Variants in TNRC6A observed in about 807,000 individuals in gnomAD.
TNRC6A encodes the protein trinucleotide repeat containing adaptor 6A.
A neutral mutation model predicts 221.2 loss-of-function variants in TNRC6A; 44 were observed. That is an observed-to-expected ratio of 0.20 (90% CI 0.16 to 0.26). The LOEUF is 0.26. TNRC6A is among the 10% of genes least tolerant of loss of function. The pLI, the probability that TNRC6A is intolerant of heterozygous loss-of-function variation, is 1.00. For missense variants in TNRC6A, 2,199 were observed against 2,404.4 expected, an observed-to-expected ratio of 0.91 and a Z score of 1.79; for synonymous variants, 847 against 838.5, an observed-to-expected ratio of 1.01 and a Z score of -0.18.
intron 2 of TNRC6A, chr16:24,663,785 C>A (rs184769861): frequency 1.3e-5 from 5 of 383,500 alleles, no homozygotes; most frequent in Admixed American, 8.9e-5. Flanking sequence ...TCCAGCCCCT[C>A]CAGAGGTCAG....
chr16:24,751,699 C>CT (rs2057140425), intron 3 of TNRC6A, among the ~76,000 whole-genome samples: 1 of 152,038 alleles, frequency 6.6e-6, no homozygotes, highest in Non-Finnish European at 1.5e-5. Context: ...TAATATATGC[C>CT]TTTTTTGAGC....
intron 2 of TNRC6A, among the ~76,000 whole-genome samples, chr16:24,734,291 C>T (rs1348728501): frequency 5.3e-5 from 8 of 152,174 alleles, no homozygotes; most frequent in African/African-American, 1.2e-4. Flanking sequence ...ACATAGGAAT[C>T]TTCATCATGG....
chr16:24,707,838 G>A (rs995455928), intron 2 of TNRC6A, among the ~76,000 whole-genome samples: 10 of 152,106 alleles, frequency 6.6e-5, no homozygotes, highest in South Asian at 4.1e-4. Flanking sequence ...GTGGGTAGAC[G>A]TCTTGAGGCC....
In TNRC6A at chr16:24,664,769, TCACACACACACACA is replaced by T. The variant is rs149786252; in HGVS notation, n.402+23791_402+23804del. 2.9e-3 allele frequency: 865 copies of T among 301,628 alleles called. 2 individuals carry two copies. The highest frequency in any genetic ancestry group is 0.011 in the South Asian group (450 of 42,846). 18.7% of individuals were successfully genotyped at this position (301,628 alleles called of 1,614,324 possible). A position where few individuals can be genotyped will look rare whatever the true frequency, so the allele number is the denominator to read the frequency against. ...AGGGTGCCTTGCAGTAATCCCCAAATCACACACACACACACACACACACACACACACACACACAC... is the reference window on the plus strand; with the variant it reads ...AGGGTGCCTTGCAGTAATCCCCAAATCACACACACACACACACACACACAC... On this transcript the variant is annotated intron_variant and non_coding_transcript_variant, in intron 2 of 2. Transcript: ENST00000566108.
chr16:24,705,218 C>T (rs117818401), intron 2 of TNRC6A, among the ~76,000 whole-genome samples: 2,112 of 152,294 alleles, frequency 0.014, 20 homozygotes, highest in Middle Eastern at 0.037. Flanking sequence ...GGCTAAGAAA[C>T]TTGCCCAGAT....
chr16:24,675,110 C>T (rs527747193), intron 2 of TNRC6A, among the ~76,000 whole-genome samples: 7 of 152,290 alleles, frequency 4.6e-5, no homozygotes, highest in African/African-American at 1.7e-4. Context: ...GACACCGCTG[C>T]ACTCCAGCCT....
chr16:24,811,743 A>G (rs2058548084), intron 18 of TNRC6A, among the ~76,000 whole-genome samples: 1 of 151,972 alleles, frequency 6.6e-6, no homozygotes, highest in Admixed American at 6.6e-5. Flanking sequence ...CTGTGGAGGA[A>G]GTGGAATTGA....
chr16:24,613,271 GGC>G (rs1355920322), intron 1 of TNRC6A, among the ~76,000 whole-genome samples: 1 of 151,638 alleles, frequency 6.6e-6, no homozygotes, highest in East Asian at 1.9e-4. Flanking sequence ...TCAACCAGGT[GGC>G]GTGTGTGAAG....
At chr16:24,718,624 G>C (rs1230924405) in intron 2 of TNRC6A, among the ~76,000 whole-genome samples, 1 of 152,130 alleles carries the variant, frequency 6.6e-6, no homozygotes, top group Admixed American at 6.6e-5. Context: ...GCTACACAAG[G>C]GGTTTCAGGT....
intron 5 of TNRC6A, 49 bp downstream of exon 5, chr16:24,777,407 G>A: frequency 6.5e-7 from 1 of 1,538,208 alleles, no homozygotes; most frequent in Non-Finnish European, 8.8e-7. Flanking sequence ...ATCATTAGCT[G>A]TATAGCAAGT....
At chr16:24,734,765 A>T (rs1475424537) in intron 2 of TNRC6A, among the ~76,000 whole-genome samples, 1 of 152,172 alleles carries the variant, frequency 6.6e-6, no homozygotes, top group Admixed American at 6.5e-5. Flanking sequence ...AGTTATCTCA[A>T]TATGTTATGT....
At chr16:24,753,603 T>C (rs952198009) in intron 3 of TNRC6A, among the ~76,000 whole-genome samples, 3 of 152,168 alleles carry the variant, frequency 2.0e-5, no homozygotes, top group African/African-American at 4.8e-5. Flanking sequence ...GACACACTTA[T>C]AGCCCATATG....
At position 24,619,112 on chromosome 16, in the gene TNRC6A, A is replaced by G. The variant is rs530625861; in HGVS notation, n.276+8628A>G. 2.6e-5 allele frequency among the ~76,000 whole-genome samples: 4 copies of G among 152,344 alleles called. No individual in the cohort carries two copies. The East Asian group carries it at 7.7e-4, about 29-fold the overall frequency. ...TGTACTTTTTCTTCAAAGAGAATGT[A>G]ACAGATTGATTTATAGCTTTCTTAA... is the stretch of plus-strand genomic sequence containing the variant. On this transcript the variant is annotated intron_variant and non_coding_transcript_variant, in intron 1 of 2. Coordinates refer to the TNRC6A transcript ENST00000566108.
At chr16:24,721,107 C>T (rs1449152462) in intron 2 of TNRC6A, among the ~76,000 whole-genome samples, 5 of 152,132 alleles carry the variant, frequency 3.3e-5, no homozygotes, top group East Asian at 1.9e-4. Flanking sequence ...AGAATGAACA[C>T]CTGCAAAGCT....
At position 24,693,120 on chromosome 16, in the gene TNRC6A, A is replaced by G. The variant is rs554200970; in HGVS notation, n.402+52111A>G. Among the ~76,000 whole-genome samples, 23 of 152,180 alleles carry G rather than the reference A, an allele frequency of 1.5e-4. No individual in the cohort carries two copies. In the South Asian group the frequency reaches 3.9e-3, roughly 26 times the overall value. ...TACTGACTCATTTTATTTCCAGCGG[A>G]TTTCCCTCCCTTGTTCTAAGAAGGA... On this transcript the variant is annotated intron_variant and non_coding_transcript_variant, in intron 2 of 2. Transcript: ENST00000566108.
intron 2 of TNRC6A, 60 bp downstream of exon 2, chr16:24,730,360 T>A: frequency 6.3e-7 from 1 of 1,579,630 alleles, no homozygotes; most frequent in Non-Finnish European, 8.6e-7. Flanking sequence ...CTACTCCGAT[T>A]CGCCTTTTCT....
chr16:24,743,878 CTT>C (rs1444192615), intron 2 of TNRC6A, among the ~76,000 whole-genome samples: 1 of 152,200 alleles, frequency 6.6e-6, no homozygotes, highest in Non-Finnish European at 1.5e-5. Context: ...TTGGCACAGT[CTT>C]AATAGCAGAT....
chr16:24,786,411 T>C (rs182619821), intron 5 of TNRC6A, among the ~76,000 whole-genome samples: 59 of 151,042 alleles, frequency 3.9e-4, no homozygotes, highest in Non-Finnish European at 6.8e-4. Context: ...CTGCAAGCTC[T>C]GCTTCCCAGG....
intron 2 of TNRC6A, among the ~76,000 whole-genome samples, chr16:24,678,760 C>T (rs574604789): frequency 2.5e-3 from 375 of 152,300 alleles, no homozygotes; most frequent in African/African-American, 8.5e-3. Flanking sequence ...TGGCCAACAC[C>T]TGATTGCAAC....
Sources: gnomAD v4.1 joint callset for allele counts (sites outside exome capture counted in the v4.1 genomes callset) on GRCh38, gnomAD v4.1.1 for gene constraint, MANE v1.5 for transcripts, NCBI Gene and HGNC (gene_info 2026-07-23, HGNC 2026-07-21) for gene names.